FSIP2: variants seen among roughly 807,000 people sequenced by gnomAD.
FSIP2 encodes the protein fibrous sheath interacting protein 2.
In FSIP2, 367 loss-of-function variants were observed where a neutral mutation model predicts 510.5. The ratio of observed to expected loss-of-function variants is 0.72; its 90% CI spans 0.66 to 0.78. FSIP2 has a LOEUF of 0.78. FSIP2 is among the 30% of genes least tolerant of loss of function. The pLI is 0.00. For missense variants in FSIP2, 7,594 were observed against 7,901.7 expected (o/e 0.96, Z 1.48); for synonymous variants, 2,601 against 2,732.2 (o/e 0.95, Z 1.50).
At position 185,794,507 on chromosome 2, in the gene FSIP2, A is replaced by C. The variant is rs1321878158; in HGVS notation, c.7371A>C (p.Glu2457Asp). ...TAGAGCAAAACCAAATGATATTGGA[A>C]AACAAAAGGCAGATAATTGTTTTGG... The part of the protein sequence containing the change: ...YPLEQNQMIL[E>D]NKRQIIVLEE... The change falls in exon 16 of 23, where the codon GAA (glutamate) becomes GAC (aspartate). Residue 2457 changes from glutamate to aspartate, a missense_variant. Transcript: ENST00000424728. The C allele has an allele frequency of 2.6e-6, 4 of 1,523,590 alleles. No homozygotes were observed. In the African/African-American group the frequency reaches 4.2e-5, roughly 16 times the overall value. The allele number at this position is 1,523,590 out of a possible 1,614,324, so 94.4% of individuals were successfully genotyped here.
rs779170194 is a variant in FSIP2, at chr2:185,789,048, C to A, written c.1912C>A (p.Pro638Thr). The A allele has an allele frequency of 3.0e-5, 46 of 1,533,988 alleles. No homozygotes were observed. The highest frequency in any genetic ancestry group is 1.7e-4 in the Middle Eastern group (1 of 6,008). The change falls in exon 16 of 23, where the codon CCT (proline) becomes ACT (threonine). Residue 638 changes from proline to threonine, a missense_variant. Coordinates refer to ENST00000424728, the MANE Select transcript of FSIP2 (RefSeq NM_173651.4). The part of the protein sequence containing the change: ...YNKTNLLYSY[P>T]KLRSCKSDSH... ...TAAAACCAACTTGCTATATTCATAC[C>A]CTAAGCTCAGAAGTTGTAAATCAGA...
chr2:185,808,013 A>G lies in FSIP2; in HGVS notation c.18707A>G (p.Lys6236Arg). The change falls in exon 17 of 23, where the codon AAG becomes AGG. Residue 6236 changes from lysine to arginine, a missense_variant. Transcript: ENST00000424728. ...KSKIKLVPPTKESPTVPVADN... is the reference protein window; with the variant it reads ...KSKIKLVPPTRESPTVPVADN... ...AAGATTAAACTTGTACCACCCACCA[A>G]GGAATCACCTACTGTGCCTGTAGCT... The G allele has an allele frequency of 6.2e-7, 1 of 1,611,244 alleles. No homozygotes were observed. The highest frequency in any genetic ancestry group is 8.5e-7 in the Non-Finnish European group (1 of 1,178,152).
chr2:185,775,490 A>C (rs1692697967), intron 13 of FSIP2, among the ~76,000 whole-genome samples: 1 of 151,624 alleles, frequency 6.6e-6, no homozygotes, highest in African/African-American at 2.4e-5. Context: ...CCTTTGTCAG[A>C]TGAGTAGGTT....
At chr2:185,739,074 G>T in intron 1 of FSIP2, 81 bp downstream of exon 1, 7 of 1,430,970 alleles carry the variant, frequency 4.9e-6, no homozygotes, top group South Asian at 1.4e-5. Flanking sequence ...CGCCACACAC[G>T]GGTCGCGAGG....
rs2105622292 is a variant in FSIP2 at position 185,794,467 on chromosome 2, T to G, written c.7331T>G (p.Phe2444Cys). The change falls in exon 16 of 23, where the codon TTT becomes TGT. Residue 2444 changes from phenylalanine (F) to cysteine (C), a missense_variant. By Grantham distance (205) the Phe-to-Cys change is radical. Coordinates refer to ENST00000424728, the MANE Select transcript of FSIP2 (RefSeq NM_173651.4). ...EKERSTKQSL[F>C]TKYPLEQNQM... Reference sequence around the variant, plus strand: ...GAAAGAAGTACCAAACAATCTCTATTTACAAAGTATCCATTAGAGCAAAAC... The same window carrying G: ...GAAAGAAGTACCAAACAATCTCTATGTACAAAGTATCCATTAGAGCAAAAC... The G allele has an allele frequency of 6.6e-7, 1 of 1,512,982 alleles. No individual in the cohort carries two copies. The highest frequency in any genetic ancestry group is 8.8e-7 in the Non-Finnish European group (1 of 1,138,042). The allele number at this position is 1,512,982 out of a possible 1,614,324, so 93.7% of individuals were successfully genotyped here. A position where few individuals can be genotyped will look rare whatever the true frequency, so the allele number is the denominator to read the frequency against.
In FSIP2 at chr2:185,790,853, T is replaced by C. The variant is rs1455793563; in HGVS notation, c.3717T>C (p.Asp1239=). The part of the protein sequence containing the change: ...KMKYLSLFDV[D]PEKPPWLKSG... ...AATATTTATCTTTATTTGACGTTGA[T>C]CCTGAAAAGCCTCCCTGGTTAAAAT... Residue 1239 remains aspartate (D), a synonymous_variant, in exon 16 of 23, where the codon GAT becomes GAC. Transcript: ENST00000424728. The C allele has an allele frequency of 1.3e-6, 2 of 1,533,074 alleles. No individual in the cohort carries two copies. Among genetic ancestry groups the C allele is most frequent in the Admixed American group, 2.0e-5 (1 of 50,752 alleles). 95.0% of individuals were successfully genotyped at this position (1,533,074 alleles called of 1,614,324 possible).
chr2:185,827,050 AC>A (rs1694023457), intron 20 of FSIP2, among the ~76,000 whole-genome samples: 1 of 151,792 alleles, frequency 6.6e-6, no homozygotes, highest in African/African-American at 2.4e-5. Flanking sequence ...ATGCACATAT[AC>A]CCTAGAAACT....
chr2:185,800,465 G>A lies in FSIP2; in HGVS notation c.11159G>A (p.Gly3720Asp), dbSNP rs954748041. The part of the protein sequence containing the change: ...DECLDTGMDS[G>D]KIQRTYFYSS... The stretch of plus-strand genomic sequence containing the variant: ...TGCCTAGATACGGGTATGGATTCTG[G>A]TAAAATACAAAGAACATATTTCTAC... The change falls in exon 17 of 23, where the codon GGT becomes GAT. Residue 3720 changes from glycine (G) to aspartate (D), a missense_variant. Coordinates refer to ENST00000424728, the MANE Select transcript of FSIP2 (RefSeq NM_173651.4). The A allele has an allele frequency of 1.4e-5, 22 of 1,532,688 alleles. No homozygotes were observed. In the East Asian group the frequency reaches 1.5e-4, roughly 10 times the overall value. The allele number at this position is 1,532,688 out of a possible 1,614,324, so 94.9% of individuals were successfully genotyped here.
chr2:185,804,973 T>C lies in FSIP2; in HGVS notation c.15667T>C (p.Leu5223=). 1 of 1,546,522 alleles carries C rather than the reference T, an allele frequency of 6.5e-7. No individual in the cohort carries two copies. The highest frequency in any genetic ancestry group is 8.7e-7 in the Non-Finnish European group (1 of 1,151,540). ...AAAAGGATGCTCATTCCTCAGTAAA[T>C]TAGCTGGTTTTATTATGAAAGAAAT... ...DKKGCSFLSK[L]AGFIMKEIMY... The change falls in exon 17 of 23, where the codon TTA becomes CTA. Residue 5223 remains leucine, a synonymous_variant. Transcript: ENST00000424728.
In FSIP2 at chr2:185,806,252, T is replaced by C. The variant is rs4666689; in HGVS notation, c.16946T>C (p.Ile5649Thr). 0.88 allele frequency: 1,408,495 copies of C among 1,609,222 alleles called. 617,036 individuals are homozygous for C. The highest frequency in any genetic ancestry group is 0.91 in the South Asian group (82,920 of 90,688). The change falls in exon 17 of 23, where the codon ATT becomes ACT. Residue 5649 changes from isoleucine to threonine, a missense_variant. Ile to Thr is a moderately conservative substitution (Grantham distance 89). Coordinates refer to ENST00000424728, the MANE Select transcript of FSIP2 (RefSeq NM_173651.4). ...ACAACAGATACTTTGGAAATAAGAA[T>C]TCGAACATCAAGCAATGAGGGGAGA... is the stretch of plus-strand genomic sequence containing the variant. ...GTTTDTLEIR[I>T]RTSSNEGRRD...
At chr2:185,816,470 C>T (rs1164661345) in intron 19 of FSIP2, among the ~76,000 whole-genome samples, 1 of 151,850 alleles carries the variant, frequency 6.6e-6, no homozygotes. Flanking sequence ...AAAACATAAG[C>T]AACTACAATC....
rs1693584190 is a variant in FSIP2 at position 185,806,565 on chromosome 2, A to G, written c.17259A>G (p.Glu5753=). Reference sequence around the variant, plus strand: ...AAGAAAAAGAAGAGGAAGAGAGAGAAAAAGAGAAAGTAAGAGAGGAGATTA... The same window carrying G: ...AAGAAAAAGAAGAGGAAGAGAGAGAGAAAGAGAAAGTAAGAGAGGAGATTA... ...SAKEKEEEER[E]KEKVREEIKS... Residue 5753 remains glutamate, a synonymous_variant, in exon 17 of 23, where the codon GAA becomes GAG. Coordinates refer to ENST00000424728, the MANE Select transcript of FSIP2 (RefSeq NM_173651.4). 6 of 1,604,418 alleles carry G rather than the reference A, an allele frequency of 3.7e-6. No homozygotes were observed. Among genetic ancestry groups the G allele is most frequent in the Non-Finnish European group, 4.2e-6 (5 of 1,177,036 alleles).
Position 185,797,334 on chromosome 2 carries a change from C to A in FSIP2, c.10198C>A (p.Leu3400Ile). The A allele has an allele frequency of 6.6e-7, 1 of 1,526,086 alleles. No homozygotes were observed. Among genetic ancestry groups the A allele is most frequent in the Non-Finnish European group, 8.7e-7 (1 of 1,144,088 alleles). The allele number at this position is 1,526,086 out of a possible 1,614,324, so 94.5% of individuals were successfully genotyped here. The change falls in exon 16 of 23, where the codon CTT becomes ATT. Residue 3400 changes from leucine (L) to isoleucine (I), a missense_variant. Leu to Ile is a conservative substitution (Grantham distance 5, BLOSUM62 2). Coordinates refer to ENST00000424728, the MANE Select transcript of FSIP2 (RefSeq NM_173651.4). ...TATACCTGAGGAAGAAAATGAAAAC[C>A]TTGAAGCCAGCCGGGAAGATTCTTC... The part of the protein sequence containing the change: ...NYIPEEENEN[L>I]EASREDSSFL...
intron 19 of FSIP2, among the ~76,000 whole-genome samples, chr2:185,823,252 G>A (rs577502382): frequency 2.0e-5 from 3 of 151,728 alleles, no homozygotes; most frequent in African/African-American, 4.8e-5. Context: ...TTCAAAGGAC[G>A]CCATCAACAA....
At chr2:185,746,211 G>C (rs1692029711) in intron 5 of FSIP2, among the ~76,000 whole-genome samples, 1 of 151,954 alleles carries the variant, frequency 6.6e-6, no homozygotes, top group South Asian at 2.1e-4. Context: ...CCAGACTACA[G>C]ATGAGAGATT....
chr2:185,831,777 G>A, intron 21 of FSIP2, 36 bp from the exon 22 acceptor site: 1 of 1,416,072 alleles, frequency 7.1e-7, no homozygotes, highest in South Asian at 1.1e-5. Context: ...TGTGTCCAGT[G>A]AAAGACTCAG....
At chr2:185,751,194 G>C (rs35379699) in intron 7 of FSIP2, among the ~76,000 whole-genome samples, 25,481 of 151,242 alleles carry the variant, frequency 0.17, 2,759 homozygotes, top group Non-Finnish European at 0.23. Context: ...TAAAATCTCT[G>C]ACTATATTTT....
At chr2:185,764,681 A>G (rs1025685365) in intron 13 of FSIP2, 116 bp downstream of exon 13, 1 of 716,294 alleles carries the variant, frequency 1.4e-6, no homozygotes, top group Non-Finnish European at 2.3e-6. Context: ...TCATTCAAGG[A>G]AAAATGGCAC....
rs1692014902 is a variant in FSIP2 at position 185,745,651 on chromosome 2, T to C, written c.617+83T>C. ...AAATACTAGAAAGAATTGAAGACAATTTAAGTACTGGACACCATTCTCCTG... is the reference window on the plus strand; with the variant it reads ...AAATACTAGAAAGAATTGAAGACAACTTAAGTACTGGACACCATTCTCCTG... On this transcript the variant is annotated intron_variant, in intron 5 of 22. Coordinates refer to ENST00000424728, the MANE Select transcript of FSIP2 (RefSeq NM_173651.4). The C allele has an allele frequency of 8.3e-6, 10 of 1,202,112 alleles. No homozygotes were observed. In the South Asian group the frequency reaches 1.3e-4, roughly 16 times the overall value. The allele number at this position is 1,202,112 out of a possible 1,614,324, so 74.5% of individuals were successfully genotyped here. A position where few individuals can be genotyped will look rare whatever the true frequency, so the allele number is the denominator to read the frequency against.
Sources: gnomAD v4.1 joint callset for allele counts (sites outside exome capture counted in the v4.1 genomes callset) on GRCh38, gnomAD v4.1.1 for gene constraint, MANE v1.5 for transcripts, NCBI Gene and HGNC (gene_info 2026-07-23, HGNC 2026-07-21) for gene names.